The following SPATA1 variants were observed in gnomAD, a reference collection of about 807,000 sequenced individuals.
SPATA1 encodes the protein spermatogenesis-associated protein 1.
A neutral mutation model predicts 59.6 loss-of-function variants in SPATA1; 57 were observed. The observed-to-expected ratio is 0.96, with a 90% CI of 0.77 to 1.19. SPATA1 has a LOEUF of 1.19. SPATA1 is among the 50% of genes most tolerant of loss of function. The probability of loss-of-function intolerance (pLI) is 0.00; values close to 1 mark genes in which losing one functional copy is unlikely to be tolerated. For synonymous variants in SPATA1, 147 were observed against 163.9 expected (o/e 0.90, Z 0.79); for missense variants, 448 against 480.7 (o/e 0.93, Z 0.64).
intron 8 of SPATA1, among the ~76,000 whole-genome samples, chr1:84,535,343 G>A (rs11164001): frequency 0.18 from 27,689 of 151,716 alleles, 4,852 homozygotes; most frequent in African/African-American, 0.46. Flanking sequence ...TTTCATATAC[G>A]TTTTAGAATC....
intron 4 of SPATA1, among the ~76,000 whole-genome samples, chr1:84,522,936 A>G (rs536499540): frequency 6.7e-6 from 1 of 148,562 alleles, no homozygotes; most frequent in African/African-American, 2.5e-5. Flanking sequence ...TCCGAGACGG[A>G]GTCTTGCTCT....
chr1:84,517,644 T>C (rs1222033435), intron 2 of SPATA1, among the ~76,000 whole-genome samples: 3 of 152,096 alleles, frequency 2.0e-5, no homozygotes, highest in Non-Finnish European at 2.9e-5. Flanking sequence ...TTGATTCTTC[T>C]TGCATACTTG....
intron 8 of SPATA1, among the ~76,000 whole-genome samples, chr1:84,537,239 A>G (rs1225376632): frequency 1.3e-5 from 2 of 152,144 alleles, no homozygotes; most frequent in South Asian, 2.1e-4. Context: ...ATTTTACTAT[A>G]TAAGAGAAAA....
chr1:84,541,036 C>T (rs1011630783), intron 8 of SPATA1, among the ~76,000 whole-genome samples: 2 of 152,266 alleles, frequency 1.3e-5, no homozygotes, highest in Admixed American at 6.5e-5. Flanking sequence ...TTCTTGTAAA[C>T]GTTGCACTAC....
chr1:84,538,875 C>T (rs1398022978), intron 8 of SPATA1, among the ~76,000 whole-genome samples: 1 of 152,172 alleles, frequency 6.6e-6, no homozygotes, highest in Non-Finnish European at 1.5e-5. Context: ...TCACAGCTCA[C>T]TGCAGCCTTG....
chr1:84,548,780 T>TA lies in SPATA1; in HGVS notation c.947-6_947-5insA. 1.0e-6 allele frequency: 1 copy of TA among 962,372 alleles called. No individual in the cohort carries two copies. 59.6% of individuals were successfully genotyped at this position (962,372 alleles called of 1,614,324 possible). A position where few individuals can be genotyped will look rare whatever the true frequency, so the allele number is the denominator to read the frequency against. ...TTTTTTTTTTTTTTTTTTTTTTTTT[T>TA]TATAGCCTACAATGGTTGGAAGAAA... On this transcript the variant is annotated splice_region_variant and splice_polypyrimidine_tract_variant and intron_variant, in intron 10 of 12. Coordinates refer to ENST00000490879, the Ensembl canonical transcript of SPATA1.
At chr1:84,564,457 C>A (rs1684651630) in intron 4 of SPATA1, among the ~76,000 whole-genome samples, 1 of 152,094 alleles carries the variant, frequency 6.6e-6, no homozygotes, top group Middle Eastern at 3.4e-3. Flanking sequence ...TTTTTAGAGC[C>A]TTTAATGTTA....
At position 84,563,402 on chromosome 1, in the gene SPATA1, A is replaced by G. The variant is rs143993403; in HGVS notation, n.443-2459A>G. On this transcript the variant is annotated intron_variant and non_coding_transcript_variant, in intron 4 of 4. Transcript: ENST00000460286. ...AGCCCCCCGGAAAGGGACTTTTGCA[A>G]TGGTACAAACATGATCCTAGAAATG... The G allele has an allele frequency of 3.5e-3, 5,435 of 1,571,834 alleles. 24 individuals carry two copies. Among genetic ancestry groups the G allele is most frequent in the Non-Finnish European group, 3.0e-3 (3,439 of 1,162,002 alleles).
At chr1:84,553,751 A>T (rs1241693385) in exon 13 of SPATA1, 1 of 152,198 alleles carries the variant, frequency 6.6e-6, no homozygotes. Flanking sequence ...CAGATGGTTC[A>T]ATCATCATGT....
chr1:84,523,053 C>T (rs1470297092), intron 4 of SPATA1, among the ~76,000 whole-genome samples: 3 of 151,824 alleles, frequency 2.0e-5, no homozygotes, highest in Non-Finnish European at 4.4e-5. Flanking sequence ...TACAGGCATG[C>T]GACACCACGC....
chr1:84,539,300 C>T (rs2101987946), intron 8 of SPATA1, among the ~76,000 whole-genome samples: 1 of 152,250 alleles, frequency 6.6e-6, no homozygotes, highest in African/African-American at 2.4e-5. Flanking sequence ...CCAAATTTTA[C>T]CTATTATAAA....
downstream of SPATA1, among the ~76,000 whole-genome samples, chr1:84,555,421 C>A (rs1047303978): frequency 1.3e-5 from 2 of 152,144 alleles, no homozygotes; most frequent in African/African-American, 4.8e-5. Context: ...CCCTGACTTA[C>A]AATGGTTCAA....
At chr1:84,515,223 A>AAAT (rs1682744648) in intron 1 of SPATA1, among the ~76,000 whole-genome samples, 1 of 152,178 alleles carries the variant, frequency 6.6e-6, no homozygotes, top group South Asian at 2.1e-4. Flanking sequence ...ATAGATATAT[A>AAAT]AATACTTTCT....
At chr1:84,507,217 G>A (rs531016338) in intron 1 of SPATA1, 3 of 152,220 alleles carry the variant, frequency 2.0e-5, no homozygotes, top group South Asian at 2.1e-4. Flanking sequence ...ATGCGCTGAT[G>A]TTTTCCATTA....
intron 1 of SPATA1, among the ~76,000 whole-genome samples, chr1:84,514,182 C>T (rs1033522577): frequency 6.6e-6 from 1 of 152,078 alleles, no homozygotes. Context: ...TCTACTGATG[C>T]TTGTATCTTG....
At chr1:84,566,487 C>T (rs1216462738), downstream of SPATA1, among the ~76,000 whole-genome samples, 2 of 152,162 alleles carry the variant, frequency 1.3e-5, no homozygotes, top group Admixed American at 1.3e-4. Context: ...TCACAATCAC[C>T]TTATATGGTA....
chr1:84,523,899 A>G (rs1683120825), intron 4 of SPATA1, among the ~76,000 whole-genome samples: 1 of 152,054 alleles, frequency 6.6e-6, no homozygotes, highest in Non-Finnish European at 1.5e-5. Flanking sequence ...AATTTAGGTC[A>G]ATTTCTAAAA....
At chr1:84,563,813 C>G in intron 4 of SPATA1, 1 of 1,607,350 alleles carries the variant, frequency 6.2e-7, no homozygotes. Context: ...TAATGCTCAT[C>G]TTGATGTAGT....
chr1:84,529,016 C>CAT (rs1683349552), intron 6 of SPATA1, among the ~76,000 whole-genome samples: 1 of 151,924 alleles, frequency 6.6e-6, no homozygotes, highest in African/African-American at 2.4e-5. Flanking sequence ...TATATTTTTT[C>CAT]ATATATATAT....
Sources: allele counts gnomAD v4.1 joint callset (sites outside exome capture counted in the v4.1 genomes callset), GRCh38; gene constraint gnomAD v4.1.1; transcripts MANE v1.5; gene names NCBI Gene and HGNC (gene_info 2026-07-23, HGNC 2026-07-21).